Variants in MEIS1 observed in about 807,000 individuals in gnomAD.
MEIS1 encodes the protein Meis homeobox 1, also known as homeobox protein Meis1.
A neutral mutation model predicts 50.8 loss-of-function variants in MEIS1; 5 were observed. That is an observed-to-expected ratio of 0.10 (90% CI 0.05 to 0.21). The LOEUF (loss-of-function observed/expected upper bound fraction) is 0.21. Among genes scored for constraint, MEIS1 ranks in the 10% least tolerant of loss-of-function variants. The pLI is 1.00. For synonymous variants in MEIS1, 176 were observed against 179.3 expected (o/e 0.98, Z 0.15); for missense variants, 318 against 517.3 (o/e 0.61, Z 3.74).
At chr2:66,473,397 A>AAAAAAAAAAAAAATAT in intron 7 of MEIS1, among the ~76,000 whole-genome samples, 2 of 107,610 alleles carry the variant, frequency 1.9e-5, no homozygotes, top group Admixed American at 9.6e-5. Context: ...AAAAAAAAAA[A>AAAAAAAAAAAAAATAT]ATATATATAT....
At chr2:66,439,408 G>C (rs1671891950) in intron 2 of MEIS1, 3 of 1,248,492 alleles carry the variant, frequency 2.4e-6, no homozygotes, top group Non-Finnish European at 2.0e-6. Context: ...TGGGCTTCGC[G>C]CGGCCGCCTA....
intron 7 of MEIS1, among the ~76,000 whole-genome samples, chr2:66,490,639 C>T (rs1207458140): frequency 1.3e-5 from 2 of 151,900 alleles, no homozygotes; most frequent in East Asian, 3.9e-4. Flanking sequence ...TAGGTTTTTT[C>T]CCCCATTGCA....
rs1259439788 is a variant in MEIS1, at chr2:66,437,933, C to T, written c.209C>T (p.Ala70Val). ...AGCATGGGCTCCTCTGTCAATGACG[C>T]TTTAAAGAGAGATAAAGATGCCATT... is the stretch of plus-strand genomic sequence containing the variant. ...APSMGSSVND[A>V]LKRDKDAIYG... Residue 70 changes from alanine to valine, a missense_variant, in exon 2 of 13, where the codon GCT becomes GTT. By Grantham distance (64) the Ala-to-Val change is moderately conservative. Around this residue, in one of 6 missense-constraint regions of MEIS1, gnomAD observed 100 missense variants for 107.1 expected, o/e 0.93. Transcript: ENST00000272369. 1 of 1,590,964 alleles carries T rather than the reference C, an allele frequency of 6.3e-7. No homozygotes were observed. The highest frequency in any genetic ancestry group is 1.3e-5 in the African/African-American group (1 of 74,342).
chr2:66,535,505 T>C (rs545412562), intron 8 of MEIS1, among the ~76,000 whole-genome samples: 1 of 152,294 alleles, frequency 6.6e-6, no homozygotes, highest in South Asian at 2.1e-4. Flanking sequence ...CCATGAACAT[T>C]TGTGATAACC....
intron 7 of MEIS1, among the ~76,000 whole-genome samples, chr2:66,489,270 T>C (rs1351859058): frequency 1.3e-5 from 2 of 152,166 alleles, no homozygotes; most frequent in Non-Finnish European, 2.9e-5. Flanking sequence ...AGTAGAAAAA[T>C]ACGCCTTAGT....
intron 7 of MEIS1, among the ~76,000 whole-genome samples, chr2:66,499,696 TAAA>T (rs35294226): frequency 1.3e-4 from 16 of 127,676 alleles, no homozygotes; most frequent in Non-Finnish European, 1.3e-4. Context: ...GTACATAGGT[TAAA>T]AAAAAAAAAA....
At chr2:66,510,721 T>C (rs1280434964) in intron 7 of MEIS1, among the ~76,000 whole-genome samples, 1 of 152,172 alleles carries the variant, frequency 6.6e-6, no homozygotes, top group Non-Finnish European at 1.5e-5. Flanking sequence ...GCTTTTCTTT[T>C]CTTTTTTTCA....
rs1378768148 is a variant in MEIS1 at position 66,464,183 on chromosome 2, C to T, written c.705C>T (p.Gly235=). The change falls in exon 7 of 13, where the codon GGC becomes GGT. Residue 235 remains glycine (G), a synonymous_variant. Coordinates refer to ENST00000272369, the MANE Select transcript of MEIS1 (RefSeq NM_002398.3). The part of the protein sequence containing the change: ...SGGTPGPSSG[G]HTSHSGDNSS... The stretch of plus-strand genomic sequence containing the variant: ...GAACCCCAGGCCCTTCCAGCGGTGG[C>T]CACACGTCACACAGTGGGGACAACA... The T allele has an allele frequency of 2.5e-6, 4 of 1,604,090 alleles. No homozygotes were observed. Among genetic ancestry groups the T allele is most frequent in the South Asian group, 2.3e-5 (2 of 88,614 alleles).
chr2:66,505,487 C>G (rs551598693), intron 7 of MEIS1, among the ~76,000 whole-genome samples: 1 of 152,168 alleles, frequency 6.6e-6, no homozygotes, highest in Non-Finnish European at 1.5e-5. Flanking sequence ...GAAAAAAAAT[C>G]AAGGAAAGCC....
At chr2:66,443,205 T>C in intron 6 of MEIS1, 157 bp downstream of exon 6, 1 of 807,802 alleles carries the variant, frequency 1.2e-6, no homozygotes, top group Admixed American at 4.0e-5. Context: ...AATGTGGCTA[T>C]TATTGCTTCA....
intron 8 of MEIS1, among the ~76,000 whole-genome samples, chr2:66,514,618 A>C (rs1572868967): frequency 6.6e-6 from 1 of 152,084 alleles, no homozygotes; most frequent in Non-Finnish European, 1.5e-5. Flanking sequence ...GGATATTTCT[A>C]CCTCCATTAC....
intron 7 of MEIS1, among the ~76,000 whole-genome samples, chr2:66,510,852 A>G (rs879475409): frequency 6.6e-6 from 1 of 152,212 alleles, no homozygotes; most frequent in Admixed American, 6.5e-5. Context: ...TTTATGTAGG[A>G]CCTAATAACA....
At chr2:66,530,775 G>T (rs548858457) in intron 8 of MEIS1, among the ~76,000 whole-genome samples, 2 of 152,308 alleles carry the variant, frequency 1.3e-5, no homozygotes, top group East Asian at 3.9e-4. Context: ...AGTCACTGAA[G>T]TTTGTGCCAT....
At chr2:66,555,518 G>A (rs568184436) in intron 9 of MEIS1, among the ~76,000 whole-genome samples, 1 of 152,294 alleles carries the variant, frequency 6.6e-6, no homozygotes, top group Admixed American at 6.5e-5. Context: ...TCGGCTAAGA[G>A]GGGCATTGAA....
intron 7 of MEIS1, among the ~76,000 whole-genome samples, chr2:66,464,956 G>A (rs1672600659): frequency 6.6e-6 from 1 of 152,166 alleles, no homozygotes; most frequent in Non-Finnish European, 1.5e-5. Flanking sequence ...CCGCTGTGTG[G>A]ATTTTGTGTT....
At chr2:66,536,507 A>C (rs1180366388) in intron 8 of MEIS1, among the ~76,000 whole-genome samples, 1 of 152,258 alleles carries the variant, frequency 6.6e-6, no homozygotes, top group Non-Finnish European at 1.5e-5. Context: ...GTTATACAAA[A>C]GAACTGCGGT....
chr2:66,477,725 T>G (rs1672927617), intron 7 of MEIS1, among the ~76,000 whole-genome samples: 1 of 152,174 alleles, frequency 6.6e-6, no homozygotes, highest in East Asian at 1.9e-4. Context: ...GATGAACATT[T>G]CCTGAGTATT....
intron 6 of MEIS1, among the ~76,000 whole-genome samples, chr2:66,455,479 T>A (rs1199400270): frequency 6.6e-6 from 1 of 152,208 alleles, no homozygotes; most frequent in Non-Finnish European, 1.5e-5. Context: ...TGAGTGTTGT[T>A]TTACATCTGT....
chr2:66,468,877 G>T (rs1672702983), intron 7 of MEIS1, among the ~76,000 whole-genome samples: 1 of 152,138 alleles, frequency 6.6e-6, no homozygotes, highest in Admixed American at 6.5e-5. Flanking sequence ...ATTTACAAAG[G>T]GAGCATGATG....
Sources: gnomAD v4.1 joint callset for allele counts (sites outside exome capture counted in the v4.1 genomes callset) on GRCh38, gnomAD v4.1.1 for gene constraint, gnomAD v4.1.1 regional missense constraint, MANE v1.5 for transcripts, NCBI Gene and HGNC (gene_info 2026-07-23, HGNC 2026-07-21) for gene names.